The following ARMC2 variants were observed in gnomAD, a reference collection of about 807,000 sequenced individuals.
ARMC2 encodes armadillo repeat-containing protein 2.
In ARMC2, 67 loss-of-function variants were observed where a neutral mutation model predicts 90.3. The ratio of observed to expected loss-of-function variants is 0.74; its 90% confidence interval spans 0.61 to 0.91. The LOEUF (loss-of-function observed/expected upper bound fraction) is 0.91. Ranked by LOEUF, ARMC2 falls within the 40% of genes least tolerant of loss-of-function variation. The pLI is 0.00. For synonymous variants in ARMC2, 393 were observed against 393.0 expected, an observed-to-expected ratio of 1.00 and a Z score of 0.00; for missense variants, 920 against 1,030.9, an observed-to-expected ratio of 0.89 and a Z score of 1.47.
intron 1 of ARMC2, among the ~76,000 whole-genome samples, chr6:108,852,927 TA>T (rs1176078738): frequency 6.6e-6 from 1 of 152,158 alleles, no homozygotes; most frequent in Non-Finnish European, 1.5e-5. Context: ...TATGTAGATA[TA>T]AAAAATTGTG....
At chr6:108,921,185 G>A (rs1400022790) in intron 10 of ARMC2, among the ~76,000 whole-genome samples, 1 of 152,048 alleles carries the variant, frequency 6.6e-6, no homozygotes, top group East Asian at 1.9e-4. Flanking sequence ...TAGATTGTTT[G>A]TATGATATTC....
At chr6:108,915,192 G>A (rs1432847940) in intron 10 of ARMC2, among the ~76,000 whole-genome samples, 1 of 152,092 alleles carries the variant, frequency 6.6e-6, no homozygotes, top group Admixed American at 6.6e-5. Context: ...ATGACCTCAG[G>A]TGATCTGCCC....
chr6:108,872,307 T>C (rs1463482519), intron 4 of ARMC2, among the ~76,000 whole-genome samples: 5 of 152,114 alleles, frequency 3.3e-5, no homozygotes, highest in African/African-American at 4.8e-5. Flanking sequence ...TGGCTGGAGG[T>C]GGCACTGCTG....
intron 13 of ARMC2, among the ~76,000 whole-genome samples, chr6:108,953,672 T>C (rs1202461947): frequency 6.6e-6 from 1 of 152,232 alleles, no homozygotes; most frequent in African/African-American, 2.4e-5. Context: ...TGAAGAAAAC[T>C]TGGCTAAACT....
intron 17 of ARMC2, among the ~76,000 whole-genome samples, chr6:108,971,711 C>T (rs1022565606): frequency 6.6e-6 from 1 of 152,056 alleles, no homozygotes; most frequent in Non-Finnish European, 1.5e-5. Flanking sequence ...CACTTGAGGT[C>T]AGGAGTTGGA....
chr6:108,906,898 T>G (rs1772795821), intron 8 of ARMC2, among the ~76,000 whole-genome samples: 1 of 152,042 alleles, frequency 6.6e-6, no homozygotes, highest in Admixed American at 6.6e-5. Flanking sequence ...AAGGAGATAA[T>G]GAGAACTAAG....
At position 108,862,367 on chromosome 6, in the gene ARMC2, AC is replaced by A. The variant is rs1301683841; in HGVS notation, c.291+4097del. On this transcript the variant is annotated intron_variant, in intron 3 of 17. Coordinates refer to ENST00000392644, the MANE Select transcript of ARMC2 (RefSeq NM_032131.6). ...CAAAAAAAAAAAAAAAACAAAAAAAACAAACAAAACCAAAAAGCAAAGTAAA... is the reference window on the plus strand; with the variant it reads ...CAAAAAAAAAAAAAAAACAAAAAAAAAAACAAAACCAAAAAGCAAAGTAAA... Among the ~76,000 whole-genome samples the A allele has an allele frequency of 1.2e-3, 187 of 149,684 alleles. 4 individuals are homozygous for A. Among genetic ancestry groups the A allele is most frequent in the African/African-American group, 4.1e-3 (167 of 40,502 alleles).
At chr6:108,907,012 A>T (rs1772808443) in intron 8 of ARMC2, among the ~76,000 whole-genome samples, 1 of 152,190 alleles carries the variant, frequency 6.6e-6, no homozygotes, top group Non-Finnish European at 1.5e-5. Flanking sequence ...TTATCTTTTT[A>T]TGTCTTAAAG....
At chr6:108,920,451 G>T (rs1774443865) in intron 10 of ARMC2, among the ~76,000 whole-genome samples, 1 of 152,142 alleles carries the variant, frequency 6.6e-6, no homozygotes, top group African/African-American at 2.4e-5. Flanking sequence ...CCACTCACGT[G>T]CCCAGTTGCC....
At chr6:108,959,644 T>G (rs911142392) in intron 13 of ARMC2, 2 of 152,160 alleles carry the variant, frequency 1.3e-5, no homozygotes, top group Non-Finnish European at 2.9e-5. Context: ...CTCGTGATTC[T>G]TTCTCTGATT....
chr6:109,026,696 G>A, the ARMC2 span, among the ~76,000 whole-genome samples: 1 of 152,026 alleles, frequency 6.6e-6, no homozygotes, highest in South Asian at 2.1e-4. Flanking sequence ...GTAGCGACGG[G>A]GTTTCACCAT....
At chr6:108,871,786 G>C (rs1368810361) in intron 4 of ARMC2, among the ~76,000 whole-genome samples, 1 of 152,152 alleles carries the variant, frequency 6.6e-6, no homozygotes. Flanking sequence ...CTCTGCAGCT[G>C]TGATTTCCCA....
the ARMC2 span, among the ~76,000 whole-genome samples, chr6:109,001,892 T>C: frequency 6.6e-6 from 1 of 152,208 alleles, no homozygotes; most frequent in African/African-American, 2.4e-5. Flanking sequence ...AAATAAAGCA[T>C]AGATGCTTTT....
At chr6:108,854,513 T>A (rs1445399260) in intron 2 of ARMC2, 28 bp downstream of exon 2, 2 of 1,596,068 alleles carry the variant, frequency 1.3e-6, no homozygotes, top group Non-Finnish European at 1.7e-6. Flanking sequence ...TTCATGTTCA[T>A]TCAGATATTT....
the ARMC2 span, among the ~76,000 whole-genome samples, chr6:108,991,078 ACAAC>A: frequency 6.7e-6 from 1 of 150,350 alleles, no homozygotes. Context: ...AAAAAAAACA[ACAAC>A]AAAAAAAAAC....
chr6:109,052,736 C>CA, the ARMC2 span, among the ~76,000 whole-genome samples: 1 of 152,118 alleles, frequency 6.6e-6, no homozygotes, highest in Admixed American at 6.6e-5. Context: ...GGCTTAAAGG[C>CA]AAAACTATAC....
At chr6:109,009,295 C>A in the ARMC2 span, 1 of 1,391,106 alleles carries the variant, frequency 7.2e-7, no homozygotes, top group South Asian at 1.4e-5. Context: ...TTGCACAGGG[C>A]AGCTCGGCCG....
chr6:108,864,342 G>T (rs555948979), intron 3 of ARMC2, among the ~76,000 whole-genome samples: 1 of 148,370 alleles, frequency 6.7e-6, no homozygotes, highest in East Asian at 2.0e-4. Flanking sequence ...ATTGCCTCCC[G>T]GGTTCAAGTG....
At chr6:108,851,242 G>C (rs1164456014) in intron 1 of ARMC2, among the ~76,000 whole-genome samples, 4 of 152,092 alleles carry the variant, frequency 2.6e-5, no homozygotes, top group Non-Finnish European at 4.4e-5. Flanking sequence ...CTCTACTCCA[G>C]CTCCAGTGCC....
Sources: allele counts gnomAD v4.1 joint callset (sites outside exome capture counted in the v4.1 genomes callset), GRCh38; gene constraint gnomAD v4.1.1; transcripts MANE v1.5; gene names NCBI Gene and HGNC (gene_info 2026-07-23, HGNC 2026-07-21).